The following CCDC186 variants were observed in gnomAD, a reference collection of about 807,000 sequenced individuals.
The protein encoded by CCDC186 is coiled-coil domain containing 186.
In CCDC186, 49 loss-of-function variants were observed where a neutral mutation model predicts 113.7. The observed-to-expected ratio is 0.43, with a 90% confidence interval of 0.34 to 0.55. The LOEUF is 0.55. CCDC186 is among the 20% of genes least tolerant of loss of function. The pLI is 0.02. For missense variants in CCDC186, 890 were observed against 1,011.1 expected (o/e 0.88, Z 1.62); for synonymous variants, 355 against 345.8 (o/e 1.03, Z -0.30).
chr10:114,125,017 TACAGA>T lies in CCDC186; in HGVS notation c.*121_*125del. The T allele has an allele frequency of 1.6e-6, 1 of 635,956 alleles. No homozygotes were observed. 39.4% of individuals were successfully genotyped at this position (635,956 alleles called of 1,614,324 possible). A position where few individuals can be genotyped will look rare whatever the true frequency, so the allele number is the denominator to read the frequency against. The stretch of plus-strand genomic sequence containing the variant: ...TATTGTAAAAGGGTATTTTTTTGTG[TACAGA>T]TGAAGCAAAACAATATTTTTACTGG... On this transcript the variant is annotated 3_prime_UTR_variant, in exon 16 of 16. Coordinates refer to ENST00000369287, the MANE Select transcript of CCDC186 (RefSeq NM_018017.4).
At position 114,145,701 on chromosome 10, in the gene CCDC186, T is replaced by C. The variant is rs2031616220; in HGVS notation, c.949A>G (p.Arg317Gly). 1 of 1,610,692 alleles carries C rather than the reference T, an allele frequency of 6.2e-7. No homozygotes were observed. Among genetic ancestry groups the C allele is most frequent in the African/African-American group, 1.3e-5 (1 of 74,744 alleles). Reference protein sequence around the residue: ...EKEAMVMKYVRGEKESLDLRK... With the variant: ...EKEAMVMKYVGGEKESLDLRK... ...AGATCTAAAGATTCCTTCTCACCTC[T>C]TACATATTTCATTACCATTGCTTCT... Residue 317 changes from arginine to glycine, a missense_variant, in exon 5 of 16, where the codon AGA (arginine) becomes GGA (glycine). Arg to Gly is a moderately radical substitution (Grantham distance 125). Transcript: ENST00000369287.
intron 9 of CCDC186, 42 bp downstream of exon 9, chr10:114,135,849 T>G: frequency 1.4e-6 from 2 of 1,421,750 alleles, no homozygotes; most frequent in Non-Finnish European, 2.0e-6. Flanking sequence ...AAATTTAAGA[T>G]ATTTACCCTT....
At position 114,157,698 on chromosome 10, in the gene CCDC186, A is replaced by C. The variant is rs1428952008; in HGVS notation, c.633-18T>G. On this transcript the variant is annotated intron_variant, in intron 2 of 15. Transcript: ENST00000369287. ...TAATTAACCTAAATATAAAAAGGGC[A>C]GTGTATGTAAAACATAATTTAAAAT... The C allele has an allele frequency of 1.9e-6, 3 of 1,546,562 alleles. No individual in the cohort carries two copies. Among genetic ancestry groups the C allele is most frequent in the Non-Finnish European group, 2.6e-6 (3 of 1,143,014 alleles).
intron 2 of CCDC186, among the ~76,000 whole-genome samples, chr10:114,161,054 G>A (rs2032155040): frequency 6.6e-6 from 1 of 152,176 alleles, no homozygotes; most frequent in Non-Finnish European, 1.5e-5. Flanking sequence ...CCAGACATCA[G>A]AATTATGATT....
intron 6 of CCDC186, among the ~76,000 whole-genome samples, chr10:114,137,917 C>T (rs1275795648): frequency 6.6e-6 from 1 of 151,778 alleles, no homozygotes; most frequent in African/African-American, 2.4e-5. Flanking sequence ...ATGCCTGTAA[C>T]CTCAGATACT....
At chr10:114,161,408 G>C (rs1050404009) in intron 2 of CCDC186, among the ~76,000 whole-genome samples, 1 of 151,982 alleles carries the variant, frequency 6.6e-6, no homozygotes, top group African/African-American at 2.4e-5. Flanking sequence ...GCATATACAT[G>C]TTTACTGCTA....
Position 114,157,607 on chromosome 10 carries a change from C to A in CCDC186, c.706G>T (p.Glu236Ter). ...TCAGTTTCTGTTCTTTTCTTTAGTT[C>A]TTCTCTTAAATTGTCTTTTTCTGAA... ...ICSEKDNLRE[E>*]LKKRTETEKQ... is the part of the protein sequence containing the mutation. Residue 236 changes from glutamate to a stop codon, truncating the protein, a stop_gained, in exon 3 of 16, where the codon GAA becomes TAA. Transcript: ENST00000369287. LOFTEE classifies it high-confidence loss of function. The A allele has an allele frequency of 6.2e-7, 1 of 1,610,222 alleles. No individual in the cohort carries two copies. The highest frequency in any genetic ancestry group is 8.5e-7 in the Non-Finnish European group (1 of 1,178,674).
chr10:114,131,295 T>G lies in CCDC186; in HGVS notation c.1953A>C (p.Glu651Asp). 6.3e-7 allele frequency: 1 copy of G among 1,596,290 alleles called. No homozygotes were observed. The highest frequency in any genetic ancestry group is 8.5e-7 in the Non-Finnish European group (1 of 1,173,168). The change falls in exon 12 of 16, where the codon GAA (glutamate) becomes GAC (aspartate). Residue 651 changes from glutamate to aspartate, a missense_variant. Glu to Asp is a conservative substitution (Grantham distance 45). Coordinates refer to ENST00000369287, the MANE Select transcript of CCDC186 (RefSeq NM_018017.4). ...CGAGTTCAGCTTGCAGAGTTTGGACTTCCTCTTTTCGCAGTTCTTCCTCTT... is the reference window on the plus strand; with the variant it reads ...CGAGTTCAGCTTGCAGAGTTTGGACGTCCTCTTTTCGCAGTTCTTCCTCTT... ...LLKEEELRKEEVQTLQAELAC... is the reference protein window; with the variant it reads ...LLKEEELRKEDVQTLQAELAC...
chr10:114,150,150 T>A (rs1242840520), intron 4 of CCDC186, among the ~76,000 whole-genome samples: 1 of 152,214 alleles, frequency 6.6e-6, no homozygotes, highest in Non-Finnish European at 1.5e-5. Context: ...GTGGGATCCA[T>A]CACATTCAAA....
chr10:114,149,858 AAGGC>A (rs1331806260), intron 4 of CCDC186, among the ~76,000 whole-genome samples: 7 of 124,962 alleles, frequency 5.6e-5, no homozygotes, highest in South Asian at 2.2e-4. Context: ...GGCAGGCAGG[AAGGC>A]AGGCAGGCAG....
In CCDC186 at chr10:114,131,342, T is replaced by G; in HGVS notation, c.1912-6A>C. ...TCTTTCAACAACCTACTTTCCTGAA[T>G]AGTAAGTAAAACAAAAACCACCAAT... On this transcript the variant is annotated splice_region_variant and splice_polypyrimidine_tract_variant and intron_variant, in intron 11 of 15. Coordinates refer to ENST00000369287, the MANE Select transcript of CCDC186 (RefSeq NM_018017.4). 1 of 1,545,714 alleles carries G rather than the reference T, an allele frequency of 6.5e-7. No individual in the cohort carries two copies. The highest frequency in any genetic ancestry group is 8.7e-7 in the Non-Finnish European group (1 of 1,151,794).
intron 4 of CCDC186, among the ~76,000 whole-genome samples, chr10:114,148,812 T>C (rs2031724363): frequency 1.3e-5 from 2 of 152,234 alleles, no homozygotes; most frequent in Admixed American, 1.3e-4. Flanking sequence ...AGCTACACTC[T>C]CTTGTAAGTA....
rs2032048696 is a variant in CCDC186, at chr10:114,157,587, TTC to T, written c.724_725del (p.Glu242AsnfsTer2). The T allele has an allele frequency of 1.2e-6, 2 of 1,611,440 alleles. No individual in the cohort carries two copies. Among genetic ancestry groups the T allele is most frequent in the Non-Finnish European group, 1.7e-6 (2 of 1,179,330 alleles). On this transcript the variant is annotated frameshift_variant, in exon 3 of 16. Transcript: ENST00000369287. LOFTEE classifies it high-confidence loss of function. The stretch of plus-strand genomic sequence containing the variant: ...TTGTGTTCATATGCTGCTTCTCAGT[TTC>T]TGTTCTTTTCTTTAGTTCTTCTCTT... ...NLREELKKRT[E>X]TEKQHMNTIK...
At chr10:114,159,297 G>A (rs79630979) in intron 2 of CCDC186, among the ~76,000 whole-genome samples, 1,934 of 152,286 alleles carry the variant, frequency 0.013, 41 homozygotes, top group African/African-American at 0.044. Flanking sequence ...AACAAAGGGA[G>A]GGGGAAGTGA....
intron 5 of CCDC186, among the ~76,000 whole-genome samples, 154 bp downstream of exon 5, chr10:114,145,395 T>TA (rs1339871444): frequency 2.6e-5 from 4 of 152,186 alleles, no homozygotes; most frequent in African/African-American, 9.6e-5. Flanking sequence ...CTTGAATTAC[T>TA]AAAAAATTCA....
chr10:114,129,314 C>CAA (rs10659450), intron 13 of CCDC186, among the ~76,000 whole-genome samples: 34,665 of 138,690 alleles, frequency 0.25, 4,269 homozygotes, highest in African/African-American at 0.31. Flanking sequence ...AGACCTGTCT[C>CAA]AAAAAAAAAA....
intron 6 of CCDC186, among the ~76,000 whole-genome samples, chr10:114,142,913 C>A (rs879454936): frequency 1.3e-5 from 2 of 152,170 alleles, no homozygotes; most frequent in Non-Finnish European, 2.9e-5. Context: ...GATCCAGGGA[C>A]TCCTTCCAAC....
At position 114,126,148 on chromosome 10, in the gene CCDC186, T is replaced by TA. The variant is rs372410334; in HGVS notation, c.2394-44dup. Reference sequence around the variant, plus strand: ...AGTATCAGTTGTGTACTTGTAGAATTAAAAAAAATGGAATCTGCAAAAGTC... The same window carrying TA: ...AGTATCAGTTGTGTACTTGTAGAATTAAAAAAAAATGGAATCTGCAAAAGTC... On this transcript the variant is annotated intron_variant, in intron 14 of 15. Transcript: ENST00000369287. 4.5e-3 allele frequency: 6,827 copies of TA among 1,511,324 alleles called. 50 individuals carry two copies. The highest frequency in any genetic ancestry group is 0.035 in the Middle Eastern group (201 of 5,748). The allele number at this position is 1,511,324 out of a possible 1,614,324, so 93.6% of individuals were successfully genotyped here. A position where few individuals can be genotyped will look rare whatever the true frequency, so the allele number is the denominator to read the frequency against.
At chr10:114,164,452 G>A (rs1291246784) in intron 1 of CCDC186, among the ~76,000 whole-genome samples, 1 of 151,844 alleles carries the variant, frequency 6.6e-6, no homozygotes, top group Non-Finnish European at 1.5e-5. Flanking sequence ...GTTTATGGAG[G>A]TTACTATTCT....
Sources: allele counts gnomAD v4.1 joint callset (sites outside exome capture counted in the v4.1 genomes callset), GRCh38; gene constraint gnomAD v4.1.1; transcripts MANE v1.5; gene names NCBI Gene and HGNC (gene_info 2026-07-23, HGNC 2026-07-21).